The following MAX variants were observed in gnomAD, a reference collection of about 807,000 sequenced individuals.
MAX encodes the protein MYC associated transcriptional regulator X, also known as protein max.
Under a neutral mutation model 22.3 loss-of-function variants are expected in MAX, and 3 were observed. That is an observed-to-expected ratio of 0.13 (90% confidence interval 0.06 to 0.35). The LOEUF is 0.35. MAX is among the 10% of genes least tolerant of loss of function. The pLI, the probability that MAX is intolerant of heterozygous loss-of-function variation, is 1.00. For synonymous variants in MAX, 72 were observed against 77.7 expected (o/e 0.93, Z 0.39); for missense variants, 119 against 209.4 (o/e 0.57, Z 2.66).
At chr14:65,022,780 A>G (rs1422524917) in intron 3 of MAX, among the ~76,000 whole-genome samples, 1 of 152,004 alleles carries the variant, frequency 6.6e-6, no homozygotes, top group Admixed American at 6.5e-5. Context: ...TGCATTTATG[A>G]TGCTTTTAAC....
At chr14:65,081,378 G>C (rs1331300258) in intron 3 of MAX, among the ~76,000 whole-genome samples, 1 of 152,176 alleles carries the variant, frequency 6.6e-6, no homozygotes, top group African/African-American at 2.4e-5. Context: ...AAAAATGCTA[G>C]ACTCACCTGC....
Position 65,047,944 on chromosome 14 carries a change from G to A in MAX, c.172-41660C>T, listed in dbSNP as rs2062518834. Among the ~76,000 whole-genome samples the A allele has an allele frequency of 2.0e-5, 3 of 148,712 alleles. No individual in the cohort carries two copies. The highest frequency in any genetic ancestry group is 3.0e-5 in the Non-Finnish European group (2 of 67,314). On this transcript the variant is annotated intron_variant, in intron 3 of 3. Transcript: ENST00000341653. The surrounding 1 kb of genome is among the most constrained non-coding windows in gnomAD (Gnocchi z 5.2). The stretch of plus-strand genomic sequence containing the variant: ...AATGGGTACCTTTGGGAGAAGAGAA[G>A]CAGACAGAAGACAGAAGGAGGGAGA...
chr14:65,083,187 G>A (rs2063241640), intron 3 of MAX, among the ~76,000 whole-genome samples: 1 of 152,168 alleles, frequency 6.6e-6, no homozygotes, highest in African/African-American at 2.4e-5. Context: ...ACCCTCTCAA[G>A]CAGAGGCACC....
At chr14:65,083,257 T>C (rs1378814260) in intron 3 of MAX, among the ~76,000 whole-genome samples, 1 of 152,164 alleles carries the variant, frequency 6.6e-6, no homozygotes, top group African/African-American at 2.4e-5. Flanking sequence ...CAGCAAGAAC[T>C]GACTACATAT....
At position 65,076,362 on chromosome 14, in the gene MAX, G is replaced by A. The variant is rs2063054394; in HGVS notation, c.*114C>T. 1.3e-6 allele frequency: 2 copies of A among 1,559,978 alleles called. No homozygotes were observed. Among genetic ancestry groups the A allele is most frequent in the Admixed American group, 3.9e-5 (2 of 50,830 alleles). On this transcript the variant is annotated 3_prime_UTR_variant, in exon 5 of 5. Coordinates refer to ENST00000358664, the MANE Select transcript of MAX (RefSeq NM_002382.5). The surrounding 1 kb of genome is among the most constrained non-coding windows in gnomAD (Gnocchi z 6.6). ...AATAAAAATTTAAAAAAAAAAGGGA[G>A]AAAGAGAAAAATAAAGAGTCTCTTA...
rs574694307 is a variant in MAX, at chr14:65,076,424, G to C, written c.*52C>G. On this transcript the variant is annotated 3_prime_UTR_variant, in exon 5 of 5. Transcript: ENST00000358664. This position sits in a 1 kb window ranked among gnomAD's most constrained non-coding sequence, Gnocchi z 6.6. ...GGGCTCTACCAACGAACTGAAAGGA[G>C]GATGAGACGATGGAGACAGACAGTT... The C allele has an allele frequency of 1.9e-6, 3 of 1,611,896 alleles. No homozygotes were observed. The African/African-American group carries it at 4.0e-5, about 21-fold the overall frequency.
intron 3 of MAX, among the ~76,000 whole-genome samples, chr14:65,063,117 C>T (rs921165998): frequency 9.8e-5 from 15 of 152,354 alleles, no homozygotes; most frequent in African/African-American, 3.4e-4. Flanking sequence ...GTCCTGTGGC[C>T]TGACCCTCTT....
chr14:65,011,742 A>G lies in MAX; in HGVS notation c.172-5458T>C, dbSNP rs1000029483. Reference sequence around the variant, plus strand: ...TATTGCTGACTTGAAAGCCAAGGACAGCGACTGGCTGCAGAACACGGTCCT... The same window carrying G: ...TATTGCTGACTTGAAAGCCAAGGACGGCGACTGGCTGCAGAACACGGTCCT... On this transcript the variant is annotated intron_variant, in intron 3 of 3. Transcript: ENST00000341653. This position sits in a 1 kb window ranked among gnomAD's most constrained non-coding sequence, Gnocchi z 4.0. Among the ~76,000 whole-genome samples, 1 of 152,208 alleles carries G rather than the reference A, an allele frequency of 6.6e-6. No individual in the cohort carries two copies. The highest frequency in any genetic ancestry group is 1.5e-5 in the Non-Finnish European group (1 of 68,032).
chr14:65,087,069 T>G (rs2063355171), intron 3 of MAX, among the ~76,000 whole-genome samples: 1 of 152,236 alleles, frequency 6.6e-6, no homozygotes, highest in African/African-American at 2.4e-5. Flanking sequence ...CTTGGCAGCT[T>G]CCTCATGGTA....
chr14:65,034,036 A>C (rs1312840194), intron 3 of MAX, among the ~76,000 whole-genome samples: 1 of 152,178 alleles, frequency 6.6e-6, no homozygotes, highest in Non-Finnish European at 1.5e-5. Flanking sequence ...TTTTTGTATG[A>C]GTTTCATTTT....
chr14:65,050,199 T>C, intron 3 of MAX, among the ~76,000 whole-genome samples: 1 of 152,172 alleles, frequency 6.6e-6, no homozygotes, highest in African/African-American at 2.4e-5. Flanking sequence ...ACACAAGTTA[T>C]GGAAAAATTT....
At chr14:65,083,564 A>AC (rs1421067808) in intron 3 of MAX, among the ~76,000 whole-genome samples, 2 of 152,188 alleles carry the variant, frequency 1.3e-5, no homozygotes, top group African/African-American at 4.8e-5. Flanking sequence ...CATTAGGAAC[A>AC]CCACTGCCCT....
chr14:65,099,559 CAAAA>C (rs750934726), intron 2 of MAX, among the ~76,000 whole-genome samples: 5,613 of 146,662 alleles, frequency 0.038, 317 homozygotes, highest in African/African-American at 0.13. Context: ...AACAAACAAA[CAAAA>C]AAAACACAAC....
rs2061693239 is a variant in MAX, at chr14:65,012,149, T to C, written c.172-5865A>G. On this transcript the variant is annotated intron_variant, in intron 3 of 3. Transcript: ENST00000341653. This position sits in a 1 kb window ranked among gnomAD's most constrained non-coding sequence, Gnocchi z 5.0. ...CATTCAGACAAGAGCTTCTTTTCTC[T>C]GGTTTAGTTGCTCTTTGGAACCAGA... 1.5e-6 allele frequency: 1 copy of C among 684,514 alleles called. No homozygotes were observed. Among genetic ancestry groups the C allele is most frequent in the African/African-American group, 1.8e-5 (1 of 55,010 alleles). 42.4% of individuals were successfully genotyped at this position (684,514 alleles called of 1,614,324 possible). A position where few individuals can be genotyped will look rare whatever the true frequency, so the allele number is the denominator to read the frequency against.
chr14:65,102,304 G>C lies in MAX; in HGVS notation c.36C>G (p.Asp12Glu), dbSNP rs370402660. 1 of 1,613,666 alleles carries C rather than the reference G, an allele frequency of 6.2e-7. No individual in the cohort carries two copies. Among genetic ancestry groups the C allele is most frequent in the Non-Finnish European group, 8.5e-7 (1 of 1,179,802 alleles). ...SDNDDIEVES[D>E]EEQPRFQSAA... is the part of the protein sequence containing the mutation. ...GGAAGGAAGAAGCCCCAGGACTCACGTCGCTCTCCACCTCGATGTCATCGT... is the reference window on the plus strand; with the variant it reads ...GGAAGGAAGAAGCCCCAGGACTCACCTCGCTCTCCACCTCGATGTCATCGT... Residue 12 changes from aspartate to glutamate, a missense_variant and splice_region_variant, in exon 1 of 5, where the codon GAC becomes GAG. Coordinates refer to ENST00000358664, the MANE Select transcript of MAX (RefSeq NM_002382.5).
intron 3 of MAX, among the ~76,000 whole-genome samples, chr14:65,010,775 G>A (rs182697353): frequency 6.6e-6 from 1 of 152,090 alleles, no homozygotes; most frequent in Admixed American, 6.6e-5. Context: ...TTAAACTGGG[G>A]CAGTACTCCT....
At chr14:65,033,398 A>C (rs2062123779) in intron 3 of MAX, among the ~76,000 whole-genome samples, 1 of 152,234 alleles carries the variant, frequency 6.6e-6, no homozygotes, top group Admixed American at 6.5e-5. Context: ...CGCTGAGGGG[A>C]GAGCAAAGGA....
chr14:65,016,516 C>T (rs1455560374), intron 3 of MAX: 1 of 152,184 alleles, frequency 6.6e-6, no homozygotes, highest in Non-Finnish European at 1.5e-5. Context: ...GGATGAGAGA[C>T]TTCTGAGCCA....
intron 3 of MAX, among the ~76,000 whole-genome samples, chr14:65,049,099 C>G (rs1353866945): frequency 1.3e-5 from 2 of 149,974 alleles, no homozygotes; most frequent in East Asian, 2.0e-4. Flanking sequence ...TGCACTCCAG[C>G]CTGGGTAACA....
Sources: allele counts gnomAD v4.1 joint callset (sites outside exome capture counted in the v4.1 genomes callset), GRCh38; gene constraint gnomAD v4.1.1; non-coding constraint Gnocchi (gnomAD v3.1); transcripts MANE v1.5; gene names NCBI Gene and HGNC (gene_info 2026-07-23, HGNC 2026-07-21).